Variants in TMEM156 observed in about 807,000 individuals in gnomAD.
TMEM156 encodes transmembrane protein 156.
Under a neutral mutation model 30.5 loss-of-function variants are expected in TMEM156, and 28 were observed. That is an observed-to-expected ratio of 0.92 (90% confidence interval 0.68 to 1.26). The LOEUF (loss-of-function observed/expected upper bound fraction) is 1.26, where lower values mean the gene tolerates loss of function less well. Ranked by LOEUF, TMEM156 falls within the 50% of genes most tolerant of loss-of-function variation. The probability of loss-of-function intolerance (pLI) is 0.00; values close to 1 mark genes in which losing one functional copy is unlikely to be tolerated. For missense variants in TMEM156, 351 were observed against 340.6 expected (o/e 1.03, Z -0.24); for synonymous variants, 137 against 119.9 (o/e 1.14, Z -0.93).
At chr4:38,971,441 C>A (rs896629848) in intron 5 of TMEM156, among the ~76,000 whole-genome samples, 1 of 152,158 alleles carries the variant, frequency 6.6e-6, no homozygotes, top group Non-Finnish European at 1.5e-5. Flanking sequence ...AAACTGACTG[C>A]AAACATTTTA....
intron 2 of TMEM156, among the ~76,000 whole-genome samples, chr4:38,997,389 A>T (rs1713006225): frequency 6.6e-6 from 1 of 152,232 alleles, no homozygotes; most frequent in South Asian, 2.1e-4. Context: ...AAATATATTC[A>T]TGTAACAAAC....
chr4:38,993,983 C>T lies in TMEM156; in HGVS notation c.374G>A (p.Gly125Glu), dbSNP rs368427375. The stretch of plus-strand genomic sequence containing the variant: ...ATCATTTGCTTTCACTTCCATTGAT[C>T]CTCTCCTGATAAGAACTAGAAAGTG... ...EQTSKVLIRR[G>E]SMEVKANDFH... is the part of the protein sequence containing the mutation. Residue 125 changes from glycine (G) to glutamate (E), a missense_variant, in exon 3 of 7, where the codon GGA becomes GAA. By Grantham distance (98) the Gly-to-Glu change is moderately conservative (BLOSUM62 -2). Transcript: ENST00000381938. 25 of 1,613,468 alleles carry T rather than the reference C, an allele frequency of 1.5e-5. No homozygotes were observed. The highest frequency in any genetic ancestry group is 2.1e-5 in the Non-Finnish European group (25 of 1,179,464).
chr4:38,983,715 A>G (rs867666376), intron 5 of TMEM156, among the ~76,000 whole-genome samples: 26 of 152,290 alleles, frequency 1.7e-4, no homozygotes, highest in African/African-American at 6.0e-4. Flanking sequence ...TTACTTTTGC[A>G]TGTTTTTCAA....
At chr4:38,969,547 G>T (rs771153508) in intron 6 of TMEM156, among the ~76,000 whole-genome samples, 10 of 152,094 alleles carry the variant, frequency 6.6e-5, no homozygotes, top group Non-Finnish European at 1.3e-4. Flanking sequence ...GTGAGTATAG[G>T]TATCCCTTTG....
rs143017633 is a variant in TMEM156, at chr4:38,966,965, C to G, written c.*715G>C. ...TACAGGCGCGCACCACCACACCCAG[C>G]TAATTTTTGTGTTTTTAGTAGAGAC... On this transcript the variant is annotated 3_prime_UTR_variant, in exon 7 of 7. Coordinates refer to ENST00000381938, the MANE Select transcript of TMEM156 (RefSeq NM_024943.3). 6.6e-6 allele frequency: 1 copy of G among 152,016 alleles called. No homozygotes were observed. Among genetic ancestry groups the G allele is most frequent in the South Asian group, 2.1e-4 (1 of 4,822 alleles). 9.4% of individuals were successfully genotyped at this position (152,016 alleles called of 1,614,324 possible).
At chr4:38,982,085 T>C (rs1711606445) in intron 5 of TMEM156, among the ~76,000 whole-genome samples, 1 of 152,168 alleles carries the variant, frequency 6.6e-6, no homozygotes, top group South Asian at 2.1e-4. Flanking sequence ...TCAATCTGAG[T>C]GGGCACCATC....
chr4:39,017,225 A>AGTTCAGT (rs1714554022), intron 1 of TMEM156, among the ~76,000 whole-genome samples: 1 of 118,832 alleles, frequency 8.4e-6, no homozygotes, highest in Non-Finnish European at 1.6e-5. Context: ...CCCAGGCTGG[A>AGTTCAGT]GTTCAGTGGC....
Position 39,022,525 on chromosome 4 carries a change from T to C in TMEM156, c.88+9701A>G, listed in dbSNP as rs543208804. 2.0e-5 allele frequency among the ~76,000 whole-genome samples: 3 copies of C among 152,358 alleles called. No homozygotes were observed. In the South Asian group the frequency reaches 6.2e-4, roughly 32 times the overall value. On this transcript the variant is annotated intron_variant, in intron 1 of 6. Coordinates refer to ENST00000381938, the MANE Select transcript of TMEM156 (RefSeq NM_024943.3). ...CTCATTTTCTGCCTCCAAGGAGTCTTATTGTCTTATCAGTTTAACTCTACA... is the reference window on the plus strand; with the variant it reads ...CTCATTTTCTGCCTCCAAGGAGTCTCATTGTCTTATCAGTTTAACTCTACA...
chr4:38,989,159 C>T lies in TMEM156; in HGVS notation c.620-189G>A, dbSNP rs118109894. Among the ~76,000 whole-genome samples, 15 of 152,288 alleles carry T rather than the reference C, an allele frequency of 9.8e-5. No individual in the cohort carries two copies. The East Asian group carries it at 1.2e-3, about 12-fold the overall frequency. ...TGATATATGAAATGAAGGTATTATA[C>T]GGGTAAACTTGAGTAGGTAGCTTCC... is the stretch of plus-strand genomic sequence containing the variant. On this transcript the variant is annotated intron_variant, in intron 3 of 6. Transcript: ENST00000381938.
At chr4:39,017,703 A>C (rs1049756057) in intron 1 of TMEM156, among the ~76,000 whole-genome samples, 1 of 152,186 alleles carries the variant, frequency 6.6e-6, no homozygotes, top group South Asian at 2.1e-4. Flanking sequence ...GGGGCATATA[A>C]ATTTAGAATT....
intron 1 of TMEM156, among the ~76,000 whole-genome samples, chr4:39,001,177 T>C (rs1332622550): frequency 4.3e-4 from 62 of 144,978 alleles, no homozygotes; most frequent in Admixed American, 2.1e-4. Flanking sequence ...GAGACCATCC[T>C]GGCTAACACA....
chr4:38,975,425 C>T (rs1722804450), intron 5 of TMEM156, among the ~76,000 whole-genome samples: 2 of 145,934 alleles, frequency 1.4e-5, no homozygotes. Context: ...CTTTTTCACC[C>T]AAGCTGGAGT....
At chr4:39,030,723 G>A (rs2566093) in intron 1 of TMEM156, among the ~76,000 whole-genome samples, 28,975 of 152,056 alleles carry the variant, frequency 0.19, 3,531 homozygotes, top group African/African-American at 0.35. Context: ...GGTGCTAGGT[G>A]TAGATCGATA....
chr4:38,984,985 T>C (rs951811490), intron 5 of TMEM156, among the ~76,000 whole-genome samples: 1 of 131,810 alleles, frequency 7.6e-6, no homozygotes, highest in Non-Finnish European at 1.7e-5. Context: ...TTCCCTCGAC[T>C]ATATGGGTTG....
At chr4:38,976,565 A>C (rs920894426) in intron 5 of TMEM156, among the ~76,000 whole-genome samples, 1 of 152,210 alleles carries the variant, frequency 6.6e-6, no homozygotes, top group Non-Finnish European at 1.5e-5. Flanking sequence ...TAAGCCACGC[A>C]CAGATATCTG....
intron 1 of TMEM156, among the ~76,000 whole-genome samples, chr4:39,024,718 A>T (rs199715187): frequency 6.6e-6 from 1 of 152,208 alleles, no homozygotes; most frequent in South Asian, 2.1e-4. Context: ...ACTAATGGGT[A>T]CTAGGCTCAA....
intron 3 of TMEM156, 68 bp downstream of exon 3, chr4:38,993,670 G>A: frequency 2.9e-6 from 4 of 1,379,792 alleles, no homozygotes; most frequent in South Asian, 1.3e-5. Flanking sequence ...TAATGTGATA[G>A]CCCTTACTTA....
At chr4:38,984,742 CTTT>C (rs1448645313) in intron 5 of TMEM156, among the ~76,000 whole-genome samples, 5 of 152,136 alleles carry the variant, frequency 3.3e-5, no homozygotes, top group Admixed American at 2.0e-4. Context: ...CTCTTTCTCT[CTTT>C]AAGACGCTAA....
intron 5 of TMEM156, among the ~76,000 whole-genome samples, chr4:38,978,405 T>C (rs1722988861): frequency 6.6e-6 from 1 of 152,194 alleles, no homozygotes; most frequent in Non-Finnish European, 1.5e-5. Flanking sequence ...AGCACAAAGC[T>C]GGTATTCTGG....
Sources: gnomAD v4.1 joint callset for allele counts (sites outside exome capture counted in the v4.1 genomes callset) on GRCh38, gnomAD v4.1.1 for gene constraint, MANE v1.5 for transcripts, NCBI Gene and HGNC (gene_info 2026-07-23, HGNC 2026-07-21) for gene names.